WHRN: variants seen among roughly 807,000 people sequenced by gnomAD.
WHRN encodes CASK-interacting protein CIP98.
A neutral mutation model predicts 68.3 loss-of-function variants in WHRN; 41 were observed. The ratio of observed to expected loss-of-function variants is 0.60; its 90% CI spans 0.47 to 0.78. The LOEUF is 0.78. WHRN is among the 30% of genes least tolerant of loss of function. The pLI is 0.00. For synonymous variants in WHRN, 560 were observed against 561.3 expected (o/e 1.00, Z 0.03); for missense variants, 1,243 against 1,244.7 (o/e 1.00, Z 0.02).
intron 1 of WHRN, among the ~76,000 whole-genome samples, chr9:114,483,524 CTACCTTGA>C (rs1357491453): frequency 3.3e-5 from 5 of 152,250 alleles, no homozygotes; most frequent in African/African-American, 9.6e-5. Flanking sequence ...CCCACCATTG[CTACCTTGA>C]TCCCTGAGGC....
intron 7 of WHRN, among the ~76,000 whole-genome samples, chr9:114,412,527 G>C (rs563335191): frequency 1.1e-4 from 16 of 152,328 alleles, no homozygotes; most frequent in African/African-American, 3.6e-4. Flanking sequence ...AGGTCACACA[G>C]CAAGGACAGG....
intron 9 of WHRN, among the ~76,000 whole-genome samples, chr9:114,404,906 G>A (rs950814346): frequency 6.6e-6 from 1 of 151,898 alleles, no homozygotes; most frequent in Admixed American, 6.6e-5. Flanking sequence ...TCAGGGGCCC[G>A]GCTGTTATAC....
At chr9:114,429,439 T>C (rs1416752539) in intron 3 of WHRN, among the ~76,000 whole-genome samples, 1 of 152,214 alleles carries the variant, frequency 6.6e-6, no homozygotes, top group African/African-American at 2.4e-5. Context: ...CTCACTTTCG[T>C]TGGGAGTAAA....
At chr9:114,503,000 A>G (rs919828943) in intron 1 of WHRN, 1 of 370,090 alleles carries the variant, frequency 2.7e-6, no homozygotes, top group African/African-American at 2.2e-5. Context: ...GCTACAAAGA[A>G]GTTTCTGAAA....
chr9:114,470,689 C>T lies in WHRN; in HGVS notation c.838-4297G>A, dbSNP rs942483044. Among the ~76,000 whole-genome samples, 5 of 152,132 alleles carry T rather than the reference C, an allele frequency of 3.3e-5. No homozygotes were observed. The South Asian group carries it at 1.0e-3, about 32-fold the overall frequency. On this transcript the variant is annotated intron_variant, in intron 2 of 11. Coordinates refer to ENST00000362057, the MANE Select transcript of WHRN (RefSeq NM_015404.4). ...GGCAGCTCCTGCCTTGATCCCCATT[C>T]CTGCCACGCCTGGCAGAGCCCCCAC... is the stretch of plus-strand genomic sequence containing the variant.
At chr9:114,443,354 G>A (rs2094504997) in intron 3 of WHRN, among the ~76,000 whole-genome samples, 1 of 152,230 alleles carries the variant, frequency 6.6e-6, no homozygotes, top group Admixed American at 6.5e-5. Context: ...CAGCAGGACA[G>A]AGTTCCTTTC....
intron 7 of WHRN, among the ~76,000 whole-genome samples, chr9:114,410,632 A>G (rs939377332): frequency 1.3e-5 from 2 of 152,248 alleles, no homozygotes. Context: ...CTTCCGGGTC[A>G]GAGCCCTGCA....
chr9:114,462,483 T>C (rs1840325828), intron 3 of WHRN, among the ~76,000 whole-genome samples: 1 of 152,176 alleles, frequency 6.6e-6, no homozygotes, highest in African/African-American at 2.4e-5. Flanking sequence ...AGCCGGTCAG[T>C]GGAGGCCCCA....
chr9:114,493,734 G>A (rs1843202993), intron 1 of WHRN, among the ~76,000 whole-genome samples: 1 of 152,192 alleles, frequency 6.6e-6, no homozygotes. Context: ...AAAACAAAAA[G>A]GAAAAAGTGC....
At chr9:114,462,303 A>G (rs2132891950) in intron 3 of WHRN, among the ~76,000 whole-genome samples, 1 of 152,128 alleles carries the variant, frequency 6.6e-6, no homozygotes, top group South Asian at 2.1e-4. Context: ...CTTCGCCCCA[A>G]TTTCCTCCAC....
intron 2 of WHRN, among the ~76,000 whole-genome samples, chr9:114,470,801 C>A (rs548314678): frequency 6.6e-6 from 1 of 152,236 alleles, no homozygotes; most frequent in East Asian, 1.9e-4. Flanking sequence ...CTTGGGTGAC[C>A]TGCAGTCAGT....
chr9:114,464,132 T>C (rs1227133895), intron 3 of WHRN, among the ~76,000 whole-genome samples: 1 of 152,102 alleles, frequency 6.6e-6, no homozygotes, highest in Non-Finnish European at 1.5e-5. Context: ...AATAAAGACA[T>C]AAAATGGTGC....
Position 114,504,547 on chromosome 9 carries a change from C to T in WHRN, c.255G>A (p.Pro85=), listed in dbSNP as rs372046806. The part of the protein sequence containing the change: ...VRTLRVLLDS[P]VKRRLLPMLR... ...GCATGGGCAGCAGGCGCCGCTTGAC[C>T]GGACTGTCCAGCAGCACGCGCAGGG... The change falls in exon 1 of 12, where the codon CCG becomes CCA. Residue 85 remains proline (P), a synonymous_variant. Transcript: ENST00000362057. The T allele has an allele frequency of 3.2e-5, 52 of 1,610,876 alleles. No individual in the cohort carries two copies. The highest frequency in any genetic ancestry group is 4.0e-5 in the African/African-American group (3 of 74,934).
In WHRN at chr9:114,428,781, CCT is replaced by C. The variant is rs376940864; in HGVS notation, c.964-2370_964-2369del. ...TCATCATCAACTCTGCCTTTACCCCCCTGAGCAGATCCTTCAGCAAATCCCGT... is the reference window on the plus strand; with the variant it reads ...TCATCATCAACTCTGCCTTTACCCCCGAGCAGATCCTTCAGCAAATCCCGT... On this transcript the variant is annotated intron_variant, in intron 3 of 11. Transcript: ENST00000362057. Among the ~76,000 whole-genome samples the C allele has an allele frequency of 5.4e-4, 82 of 152,208 alleles. No homozygotes were observed. In the East Asian group the frequency reaches 0.013, roughly 24 times the overall value.
intron 3 of WHRN, among the ~76,000 whole-genome samples, chr9:114,428,027 T>TA (rs1404925355): frequency 6.6e-6 from 1 of 152,036 alleles, no homozygotes; most frequent in Non-Finnish European, 1.5e-5. Context: ...CAGTAGGAAT[T>TA]AAAAAAATCA....
intron 1 of WHRN, among the ~76,000 whole-genome samples, chr9:114,481,793 G>A (rs1204379502): frequency 6.6e-6 from 1 of 152,226 alleles, no homozygotes; most frequent in Non-Finnish European, 1.5e-5. Context: ...CTATCCTCAT[G>A]ACAGGCTGCA....
chr9:114,409,835 C>T (rs1835303182), intron 7 of WHRN, among the ~76,000 whole-genome samples: 1 of 151,968 alleles, frequency 6.6e-6, no homozygotes, highest in Non-Finnish European at 1.5e-5. Flanking sequence ...CCCCACTCCA[C>T]CTTGCTTTAT....
intron 3 of WHRN, among the ~76,000 whole-genome samples, chr9:114,429,882 C>T (rs375002873): frequency 2.6e-5 from 4 of 152,328 alleles, no homozygotes; most frequent in African/African-American, 7.2e-5. Context: ...CACTGGCACC[C>T]AACTTGCTAA....
Position 114,423,455 on chromosome 9 carries a change from C to A in WHRN, c.1485G>T (p.Val495=). The A allele has an allele frequency of 6.2e-7, 1 of 1,614,156 alleles. No homozygotes were observed. Among genetic ancestry groups the A allele is most frequent in the Non-Finnish European group, 8.5e-7 (1 of 1,180,010 alleles). ...TCATGGACTCAATCTCACGCCTCAG[C>A]ACCAGGTGGTCGAAGCGTTCTAGGT... ...PQDLERFDHL[V]LRREIESMKA... is the part of the protein sequence containing the mutation. The change falls in exon 7 of 12, where the codon GTG becomes GTT. Residue 495 remains valine (V), a synonymous_variant. Coordinates refer to ENST00000362057, the MANE Select transcript of WHRN (RefSeq NM_015404.4).
Sources: allele counts gnomAD v4.1 joint callset (sites outside exome capture counted in the v4.1 genomes callset), GRCh38; gene constraint gnomAD v4.1.1; transcripts MANE v1.5; gene names NCBI Gene and HGNC (gene_info 2026-07-23, HGNC 2026-07-21).